GMDS: variants seen among roughly 807,000 people sequenced by gnomAD.
GMDS encodes GDP-mannose 4,6 dehydratase.
In GMDS, 20 loss-of-function variants were observed where a neutral mutation model predicts 49.9. The observed-to-expected ratio is 0.40, with a 90% confidence interval of 0.28 to 0.58. GMDS has a LOEUF of 0.58. Among genes scored for constraint, GMDS ranks in the 20% least tolerant of loss-of-function variants. The pLI is 0.42. For synonymous variants in GMDS, 177 were observed against 178.6 expected, an observed-to-expected ratio of 0.99 and a Z score of 0.07; for missense variants, 362 against 481.4, an observed-to-expected ratio of 0.75 and a Z score of 2.32.
intron 1 of GMDS, among the ~76,000 whole-genome samples, chr6:2,193,198 G>A (rs1023408751): frequency 6.6e-6 from 1 of 152,206 alleles, no homozygotes; most frequent in Non-Finnish European, 1.5e-5. Context: ...CTCAAGTCCT[G>A]CTGAATATTC....
At chr6:1,657,586 C>T (rs1763924286) in intron 9 of GMDS, among the ~76,000 whole-genome samples, 1 of 152,184 alleles carries the variant, frequency 6.6e-6, no homozygotes, top group African/African-American at 2.4e-5. Flanking sequence ...CAGACATAGG[C>T]ATTTATTAAC....
chr6:2,149,742 T>C (rs1338407262), intron 1 of GMDS, among the ~76,000 whole-genome samples: 2 of 152,164 alleles, frequency 1.3e-5, no homozygotes, highest in African/African-American at 4.8e-5. Flanking sequence ...GCCTCCAGCT[T>C]TCCCTTCTTT....
At chr6:1,661,084 A>G (rs907410662) in intron 9 of GMDS, among the ~76,000 whole-genome samples, 1 of 152,116 alleles carries the variant, frequency 6.6e-6, no homozygotes, top group African/African-American at 2.4e-5. Context: ...TTCCCACGTG[A>G]TTACAACGAA....
intron 7 of GMDS, among the ~76,000 whole-genome samples, chr6:1,769,943 TC>T (rs1768511870): frequency 2.6e-5 from 4 of 152,094 alleles, no homozygotes; most frequent in African/African-American, 9.7e-5. Flanking sequence ...GCCAGGCTGG[TC>T]CCAAACTCCT....
intron 1 of GMDS, among the ~76,000 whole-genome samples, chr6:2,175,749 A>G (rs752322217): frequency 8.5e-5 from 13 of 152,222 alleles, no homozygotes; most frequent in Non-Finnish European, 1.5e-4. Flanking sequence ...ATATCCAATA[A>G]CAATTTCTAT....
chr6:1,991,729 A>G (rs1765952675), intron 4 of GMDS, among the ~76,000 whole-genome samples: 1 of 152,218 alleles, frequency 6.6e-6, no homozygotes, highest in African/African-American at 2.4e-5. Context: ...GTCCCCCCAG[A>G]AAAGACATGT....
chr6:2,105,048 G>A (rs1307212939), intron 4 of GMDS, among the ~76,000 whole-genome samples: 1 of 151,886 alleles, frequency 6.6e-6, no homozygotes, highest in African/African-American at 2.4e-5. Context: ...CAGGTGTGGT[G>A]GCAGGCACCT....
intron 7 of GMDS, among the ~76,000 whole-genome samples, chr6:1,837,018 C>T (rs1458952894): frequency 6.6e-6 from 1 of 152,170 alleles, no homozygotes; most frequent in Non-Finnish European, 1.5e-5. Context: ...TATTTCATTT[C>T]AGTTTCCGCT....
intron 6 of GMDS, among the ~76,000 whole-genome samples, chr6:1,932,498 T>A (rs1762332805): frequency 6.6e-6 from 1 of 152,054 alleles, no homozygotes; most frequent in East Asian, 1.9e-4. Context: ...CCTAAAGTTA[T>A]CTTGGATAAC....
chr6:1,706,011 T>C (rs948831026), intron 9 of GMDS, among the ~76,000 whole-genome samples: 3 of 152,162 alleles, frequency 2.0e-5, no homozygotes, highest in Non-Finnish European at 4.4e-5. Flanking sequence ...CATTGTGGAA[T>C]AGCAATTAAC....
intron 4 of GMDS, among the ~76,000 whole-genome samples, chr6:2,090,072 T>C (rs965852928): frequency 1.3e-5 from 2 of 152,254 alleles, no homozygotes; most frequent in African/African-American, 4.8e-5. Flanking sequence ...CCTCCTCTAC[T>C]TTCCCACAAG....
rs2113665454 is a variant in GMDS at position 1,804,345 on chromosome 6, T to C, written c.772-61759A>G. Among the ~76,000 whole-genome samples the C allele has an allele frequency of 1.3e-5, 2 of 152,372 alleles. 1 individual carries two copies. The highest frequency in any genetic ancestry group is 4.1e-4 in the South Asian group (2 of 4,832). On this transcript the variant is annotated intron_variant, in intron 7 of 10. Coordinates refer to ENST00000380815, the MANE Select transcript of GMDS (RefSeq NM_001500.4). ...GTGGAAGCCATGCATTTCCCGTCAG[T>C]CTGAACTCACGGCTGGCCAGCGGGC... is the stretch of plus-strand genomic sequence containing the variant.
chr6:1,776,348 T>C (rs945424493), intron 7 of GMDS, among the ~76,000 whole-genome samples: 1 of 152,222 alleles, frequency 6.6e-6, no homozygotes, highest in Admixed American at 6.5e-5. Context: ...CGAAGAATTA[T>C]GTCCCACACA....
At chr6:1,802,696 C>T (rs753414073) in intron 7 of GMDS, among the ~76,000 whole-genome samples, 19 of 152,318 alleles carry the variant, frequency 1.2e-4, no homozygotes, top group Admixed American at 2.6e-4. Context: ...ATGTGTTATG[C>T]GGGGAGGAGG....
chr6:2,037,072 T>C (rs1457317160), intron 4 of GMDS, among the ~76,000 whole-genome samples: 1 of 152,104 alleles, frequency 6.6e-6, no homozygotes, highest in Non-Finnish European at 1.5e-5. Flanking sequence ...GACATTTCTC[T>C]AATAAAGGTA....
intron 1 of GMDS, among the ~76,000 whole-genome samples, chr6:2,166,940 G>T (rs1475425005): frequency 6.6e-6 from 1 of 152,244 alleles, no homozygotes; most frequent in Non-Finnish European, 1.5e-5. Context: ...GCTGAAATAG[G>T]CCAAGGAAAA....
chr6:2,116,244 C>G (rs1774842109), intron 3 of GMDS, among the ~76,000 whole-genome samples: 1 of 152,142 alleles, frequency 6.6e-6, no homozygotes, highest in African/African-American at 2.4e-5. Flanking sequence ...TGTATACCAT[C>G]TAAAGCAATC....
chr6:1,817,949 G>A (rs767880165), intron 7 of GMDS, among the ~76,000 whole-genome samples: 22 of 151,866 alleles, frequency 1.4e-4, no homozygotes, highest in Non-Finnish European at 1.3e-4. Context: ...AATTGTAATG[G>A]TGCAAAAAGC....
intron 4 of GMDS, among the ~76,000 whole-genome samples, chr6:1,965,452 T>C (rs1164543501): frequency 6.6e-6 from 1 of 152,152 alleles, no homozygotes; most frequent in Non-Finnish European, 1.5e-5. Context: ...TGTTTTACAA[T>C]ATAAAGTAAC....
Sources: gnomAD v4.1 joint callset for allele counts (sites outside exome capture counted in the v4.1 genomes callset) on GRCh38, gnomAD v4.1.1 for gene constraint, MANE v1.5 for transcripts, NCBI Gene and HGNC (gene_info 2026-07-23, HGNC 2026-07-21) for gene names.